Variants in ULK4 observed in about 807,000 individuals in gnomAD.
ULK4 encodes unc-51 like kinase 4, also known as inactive serine/threonine-protein kinase ULK4.
In ULK4, 133 loss-of-function variants were observed where a neutral mutation model predicts 160.6. The ratio of observed to expected loss-of-function variants is 0.83; its 90% CI spans 0.72 to 0.96. ULK4 has a LOEUF of 0.96. Ranked by LOEUF, ULK4 falls within the 40% of genes least tolerant of loss-of-function variation. The pLI is 0.00. For missense variants in ULK4, 1,580 were observed against 1,499.5 expected, an observed-to-expected ratio of 1.05 and a Z score of -0.89; for synonymous variants, 534 against 539.8, an observed-to-expected ratio of 0.99 and a Z score of 0.15.
At chr3:41,760,159 T>C (rs564093138) in intron 21 of ULK4, among the ~76,000 whole-genome samples, 3 of 152,224 alleles carry the variant, frequency 2.0e-5, no homozygotes, top group Non-Finnish European at 4.4e-5. Flanking sequence ...AAAATATGTA[T>C]CTGTCGAATA....
intron 35 of ULK4, among the ~76,000 whole-genome samples, chr3:41,270,291 C>T (rs1348578921): frequency 6.6e-6 from 1 of 151,790 alleles, no homozygotes; most frequent in African/African-American, 2.4e-5. Flanking sequence ...ATGCTAAGTA[C>T]TCAATCCATC....
chr3:41,277,480 C>T (rs942679516), intron 35 of ULK4, among the ~76,000 whole-genome samples: 6 of 152,112 alleles, frequency 3.9e-5, no homozygotes, highest in Non-Finnish European at 5.9e-5. Context: ...TACCACATAA[C>T]AGAATTAAAA....
intron 27 of ULK4, among the ~76,000 whole-genome samples, chr3:41,697,021 C>A (rs2036526153): frequency 6.6e-6 from 1 of 152,188 alleles, no homozygotes; most frequent in Admixed American, 6.5e-5. Flanking sequence ...CTGACACCTT[C>A]ATTTTAGCCC....
At chr3:41,478,975 A>C (rs983874393) in intron 32 of ULK4, among the ~76,000 whole-genome samples, 3 of 152,270 alleles carry the variant, frequency 2.0e-5, no homozygotes, top group Admixed American at 6.5e-5. Context: ...AATGCCCAGG[A>C]AAGTGCTGGG....
chr3:41,907,797 T>A, intron 12 of ULK4, 48 bp downstream of exon 12: 5 of 1,220,404 alleles, frequency 4.1e-6, no homozygotes, highest in Non-Finnish European at 5.6e-6. Context: ...ATTATTCTTG[T>A]GAGCTTCTAC....
At chr3:41,532,684 G>A (rs1166017809) in intron 32 of ULK4, among the ~76,000 whole-genome samples, 1 of 152,122 alleles carries the variant, frequency 6.6e-6, no homozygotes, top group Non-Finnish European at 1.5e-5. Context: ...ATTGTCTACA[G>A]CTGTTTTTGT....
intron 35 of ULK4, among the ~76,000 whole-genome samples, chr3:41,365,141 T>A (rs554678657): frequency 5.3e-5 from 8 of 152,314 alleles, no homozygotes; most frequent in Admixed American, 3.3e-4. Flanking sequence ...ATCCAGAAGT[T>A]CTGTTTGCCA....
chr3:41,916,771 G>A (rs1698983131), intron 7 of ULK4, among the ~76,000 whole-genome samples: 1 of 148,446 alleles, frequency 6.7e-6, no homozygotes, highest in South Asian at 2.1e-4. Flanking sequence ...GCAATGGAGC[G>A]ATCTCAGTTC....
In ULK4 at chr3:41,954,653, T is replaced by G. The variant is rs995563144; in HGVS notation, c.107A>C (p.Asp36Ala). 2.5e-6 allele frequency: 4 copies of G among 1,613,802 alleles called. No homozygotes were observed. Among genetic ancestry groups the G allele is most frequent in the Middle Eastern group, 1.6e-4 (1 of 6,084 alleles). The change falls in exon 2 of 37, where the codon GAT (aspartate) becomes GCT (alanine). Residue 36 changes from aspartate to alanine, a missense_variant. Coordinates refer to ENST00000301831, the MANE Select transcript of ULK4 (RefSeq NM_017886.4). ...GGTTATTTCAGGCCTTTTGCACTTA[T>G]CAGTACAAAGAATGGCTACAAAATT... ...TINFVAILCTDKCKRPEITNW... is the reference protein window; with the variant it reads ...TINFVAILCTAKCKRPEITNW...
chr3:41,894,733 A>T (rs1698091867), intron 16 of ULK4, among the ~76,000 whole-genome samples: 1 of 152,224 alleles, frequency 6.6e-6, no homozygotes, highest in East Asian at 1.9e-4. Flanking sequence ...TACTTGGCCC[A>T]GAAAGCTGAT....
At chr3:41,548,837 C>T (rs1004311771) in intron 32 of ULK4, among the ~76,000 whole-genome samples, 4 of 152,168 alleles carry the variant, frequency 2.6e-5, no homozygotes, top group African/African-American at 9.7e-5. Flanking sequence ...GCCTGAGGAA[C>T]AGCCTGGGTG....
chr3:41,893,570 GAGAAAA>G (rs1220477342), intron 16 of ULK4, among the ~76,000 whole-genome samples: 1 of 151,590 alleles, frequency 6.6e-6, no homozygotes, highest in South Asian at 2.1e-4. Context: ...CTTCCCTAAA[GAGAAAA>G]AGAAAAAGCA....
In ULK4 at chr3:41,411,420, C is replaced by CTTTTTTTTTT. The variant is rs556696303; in HGVS notation, c.3493-13166_3493-13157dup. Among the ~76,000 whole-genome samples the CTTTTTTTTTT allele has an allele frequency of 8.4e-5, 12 of 143,058 alleles. 1 individual carries two copies. The highest frequency in any genetic ancestry group is 2.6e-4 in the African/African-American group (10 of 38,854). 93.9% of individuals were successfully genotyped at this position (143,058 alleles called of 152,430 possible). A position where few individuals can be genotyped will look rare whatever the true frequency, so the allele number is the denominator to read the frequency against. On this transcript the variant is annotated intron_variant, in intron 34 of 36. Transcript: ENST00000301831. The stretch of plus-strand genomic sequence containing the variant: ...CTTATCATAATCCAGACATTCCTTT[C>CTTTTTTTTTT]TTTTTTTTTTTTTTATTTTTATTTT...
At chr3:41,492,726 G>A (rs1403695332) in intron 32 of ULK4, among the ~76,000 whole-genome samples, 1 of 151,746 alleles carries the variant, frequency 6.6e-6, no homozygotes. Context: ...TAAAAGGATG[G>A]AGGAAGATCT....
chr3:41,780,898 T>C (rs569433421), intron 21 of ULK4, among the ~76,000 whole-genome samples: 11 of 152,122 alleles, frequency 7.2e-5, no homozygotes, highest in Non-Finnish European at 1.3e-4. Context: ...AGTTCCAAAG[T>C]TAACTGAAAT....
intron 19 of ULK4, among the ~76,000 whole-genome samples, chr3:41,807,594 TA>T: frequency 6.6e-6 from 1 of 152,278 alleles, no homozygotes; most frequent in East Asian, 1.9e-4. Context: ...GTTTGAGAAT[TA>T]AATGAGATAG....
At chr3:41,351,730 G>A (rs926351982) in intron 35 of ULK4, among the ~76,000 whole-genome samples, 1 of 152,094 alleles carries the variant, frequency 6.6e-6, no homozygotes, top group Admixed American at 6.5e-5. Flanking sequence ...CATATGCCTG[G>A]TGAGTCTCCA....
intron 35 of ULK4, among the ~76,000 whole-genome samples, chr3:41,307,597 CAGG>C (rs2079972236): frequency 6.6e-6 from 1 of 152,122 alleles, no homozygotes; most frequent in South Asian, 2.1e-4. Context: ...GGAGCCAAGG[CAGG>C]AGGATTCCTT....
intron 19 of ULK4, among the ~76,000 whole-genome samples, chr3:41,804,562 C>T (rs1305546436): frequency 6.6e-6 from 1 of 151,316 alleles, no homozygotes; most frequent in Non-Finnish European, 1.5e-5. Context: ...TTGCCCATGC[C>T]TATGTCCTGA....
Sources: gnomAD v4.1 joint callset for allele counts (sites outside exome capture counted in the v4.1 genomes callset) on GRCh38, gnomAD v4.1.1 for gene constraint, MANE v1.5 for transcripts, NCBI Gene and HGNC (gene_info 2026-07-23, HGNC 2026-07-21) for gene names.